SDK1: variants seen among roughly 807,000 people sequenced by gnomAD.
SDK1 encodes sidekick cell adhesion molecule 1, also known as protein sidekick-1.
In SDK1, 157 loss-of-function variants were observed where a neutral mutation model predicts 245.5. That is an observed-to-expected ratio of 0.64 (90% CI 0.56 to 0.73). The LOEUF (loss-of-function observed/expected upper bound fraction) is 0.73. SDK1 is among the 30% of genes least tolerant of loss of function. The pLI is 0.00. For missense variants in SDK1, 3,583 were observed against 3,002.3 expected (o/e 1.19, Z -4.52); for synonymous variants, 1,647 against 1,278.5 (o/e 1.29, Z -6.15).
intron 4 of SDK1, among the ~76,000 whole-genome samples, chr7:3,755,404 A>G (rs1242718708): frequency 6.6e-6 from 1 of 152,122 alleles, no homozygotes; most frequent in Non-Finnish European, 1.5e-5. Flanking sequence ...GTGGGAGTTG[A>G]CATACACGGT....
chr7:3,851,355 AT>A (rs1266238032), intron 5 of SDK1, among the ~76,000 whole-genome samples: 1 of 152,096 alleles, frequency 6.6e-6, no homozygotes, highest in Non-Finnish European at 1.5e-5. Flanking sequence ...CTAATATTTA[AT>A]TTCCTTTTTA....
At chr7:3,614,078 A>T (rs749928587) in intron 1 of SDK1, among the ~76,000 whole-genome samples, 20 of 152,260 alleles carry the variant, frequency 1.3e-4, no homozygotes, top group Non-Finnish European at 2.4e-4. Flanking sequence ...CCCATAGCAC[A>T]AGTTTACCTA....
intron 4 of SDK1, among the ~76,000 whole-genome samples, chr7:3,777,232 GT>G (rs1780594181): frequency 6.6e-6 from 1 of 152,208 alleles, no homozygotes; most frequent in African/African-American, 2.4e-5. Flanking sequence ...CAGAACGCGA[GT>G]TTGATCTTCA....
intron 27 of SDK1, 54 bp from the exon 28 acceptor site, chr7:4,132,271 C>T (rs963365823): frequency 1.9e-5 from 26 of 1,395,122 alleles, no homozygotes; most frequent in East Asian, 1.4e-4. Flanking sequence ...TAACCTGTCA[C>T]GCACCCAAGG....
chr7:3,775,170 G>C (rs74349337), intron 4 of SDK1, among the ~76,000 whole-genome samples: 1 of 152,210 alleles, frequency 6.6e-6, no homozygotes, highest in African/African-American at 2.4e-5. Context: ...TTGGTTTTCA[G>C]TAAATAAAGT....
intron 5 of SDK1, among the ~76,000 whole-genome samples, chr7:3,861,718 G>C (rs993832602): frequency 1.3e-5 from 2 of 152,114 alleles, no homozygotes; most frequent in Non-Finnish European, 2.9e-5. Context: ...AAAACATTCT[G>C]AATCAATTAA....
chr7:3,908,926 A>G (rs1479787490), intron 5 of SDK1, among the ~76,000 whole-genome samples: 1 of 150,914 alleles, frequency 6.6e-6, no homozygotes, highest in Middle Eastern at 3.4e-3. Context: ...TGTTTCTTCT[A>G]CCAGTGTGGG....
chr7:4,063,818 A>G (rs1562752644), intron 19 of SDK1, among the ~76,000 whole-genome samples: 2 of 152,154 alleles, frequency 1.3e-5, no homozygotes, highest in South Asian at 2.1e-4. Context: ...AAACATATCC[A>G]TATATTTACA....
At chr7:3,914,237 G>A (rs772233785) in intron 5 of SDK1, among the ~76,000 whole-genome samples, 11 of 152,110 alleles carry the variant, frequency 7.2e-5, no homozygotes, top group Admixed American at 6.6e-4. Flanking sequence ...CATTATTACC[G>A]TACTTGCCTA....
Position 3,758,537 on chromosome 7 carries a change from T to G in SDK1, c.714-62913T>G, listed in dbSNP as rs185060842. On this transcript the variant is annotated intron_variant, in intron 4 of 44. Transcript: ENST00000404826. ...TATTTTTGTACCAACCTAATAGATTTAATTTGTAGGTCAAATGGCTCCTAC... is the reference window on the plus strand; with the variant it reads ...TATTTTTGTACCAACCTAATAGATTGAATTTGTAGGTCAAATGGCTCCTAC... Among the ~76,000 whole-genome samples the G allele has an allele frequency of 3.5e-3, 533 of 152,356 alleles. 4 individuals carry two copies. The highest frequency in any genetic ancestry group is 0.017 in the South Asian group (80 of 4,828).
At chr7:3,840,510 C>T (rs770877426) in intron 5 of SDK1, among the ~76,000 whole-genome samples, 3 of 152,220 alleles carry the variant, frequency 2.0e-5, no homozygotes, top group Non-Finnish European at 4.4e-5. Context: ...CTATCAGCAT[C>T]ATCCTGGGAA....
At chr7:3,947,538 G>A (rs1780629673) in intron 5 of SDK1, among the ~76,000 whole-genome samples, 1 of 149,574 alleles carries the variant, frequency 6.7e-6, no homozygotes, top group African/African-American at 2.5e-5. Flanking sequence ...GCTTGTGTGT[G>A]TGTGTGTGTG....
intron 1 of SDK1, among the ~76,000 whole-genome samples, chr7:3,597,583 A>T (rs1781107880): frequency 6.6e-6 from 1 of 152,156 alleles, no homozygotes; most frequent in African/African-American, 2.4e-5. Context: ...TAGGAGGAAA[A>T]TAACCTGCTC....
At chr7:3,952,096 C>A (rs1780881256) in intron 7 of SDK1, 176 bp downstream of exon 7, 2 of 613,414 alleles carry the variant, frequency 3.3e-6, no homozygotes, top group Non-Finnish European at 5.6e-6. Context: ...GAATATAAGT[C>A]CATTAAATCC....
At chr7:3,621,318 C>G (rs921049965) in intron 2 of SDK1, among the ~76,000 whole-genome samples, 2 of 152,134 alleles carry the variant, frequency 1.3e-5, no homozygotes, top group African/African-American at 4.8e-5. Context: ...TGACTTTGGA[C>G]AAGTTATCTA....
chr7:3,570,803 GCACAAAT>G, intron 1 of SDK1, among the ~76,000 whole-genome samples: 1 of 152,120 alleles, frequency 6.6e-6, no homozygotes, highest in East Asian at 1.9e-4. Flanking sequence ...CTCTCTTTTA[GCACAAAT>G]TAATGTTCTT....
At chr7:3,919,996 G>A (rs575431620) in intron 5 of SDK1, among the ~76,000 whole-genome samples, 41 of 152,290 alleles carry the variant, frequency 2.7e-4, no homozygotes, top group Non-Finnish European at 4.9e-4. Context: ...GCTTTAGGGA[G>A]TGGATGGCAA....
chr7:3,506,786 A>G lies in SDK1; in HGVS notation c.299-112294A>G, dbSNP rs139795140. On this transcript the variant is annotated intron_variant, in intron 1 of 44. Coordinates refer to ENST00000404826, the MANE Select transcript of SDK1 (RefSeq NM_152744.4). ...TTCAGGTGTTGTATTTTTCAACTCC[A>G]GATGTTTGATTTTTTCCTATACTTT... Among the ~76,000 whole-genome samples the G allele has an allele frequency of 4.5e-3, 683 of 151,590 alleles. 9 individuals carry two copies. The highest frequency in any genetic ancestry group is 0.016 in the African/African-American group (644 of 41,352).
intron 5 of SDK1, among the ~76,000 whole-genome samples, chr7:3,824,508 G>T (rs1779724113): frequency 6.6e-6 from 1 of 152,136 alleles, no homozygotes; most frequent in Non-Finnish European, 1.5e-5. Flanking sequence ...GTGTCATGCA[G>T]CCCCGCCTCT....
Sources: gnomAD v4.1 joint callset for allele counts (sites outside exome capture counted in the v4.1 genomes callset) on GRCh38, gnomAD v4.1.1 for gene constraint, MANE v1.5 for transcripts, NCBI Gene and HGNC (gene_info 2026-07-23, HGNC 2026-07-21) for gene names.